Variants in SGPP1 observed in about 807,000 individuals in gnomAD.
SGPP1 encodes the protein hSPP1.
Under a neutral mutation model 33.0 loss-of-function variants are expected in SGPP1, and 21 were observed. The observed-to-expected ratio is 0.64, with a 90% confidence interval of 0.45 to 0.92. The LOEUF (loss-of-function observed/expected upper bound fraction) is 0.92, where lower values mean the gene tolerates loss of function less well. SGPP1 is among the 40% of genes least tolerant of loss of function. The probability of loss-of-function intolerance (pLI) is 0.00; values close to 1 mark genes in which losing one functional copy is unlikely to be tolerated. For synonymous variants in SGPP1, 239 were observed against 241.2 expected (o/e 0.99, Z 0.08); for missense variants, 543 against 589.4 (o/e 0.92, Z 0.81).
Position 63,728,000 on chromosome 14 carries a change from C to A in SGPP1, c.-56G>T. 1.4e-6 allele frequency: 2 copies of A among 1,473,426 alleles called. No homozygotes were observed. Among genetic ancestry groups the A allele is most frequent in the South Asian group, 2.6e-5 (2 of 78,072 alleles). 91.3% of individuals were successfully genotyped at this position (1,473,426 alleles called of 1,614,324 possible). A position where few individuals can be genotyped will look rare whatever the true frequency, so the allele number is the denominator to read the frequency against. On this transcript the variant is annotated 5_prime_UTR_variant, in exon 1 of 3. Transcript: ENST00000247225. ...CCTCCGGCGCAGCCCCGAACTGTCC[C>A]CGCGCTCCTGGCCAGCGGCAGCGGA...
intron 1 of SGPP1, among the ~76,000 whole-genome samples, chr14:63,702,794 A>G (rs1885327002): frequency 6.6e-6 from 1 of 152,198 alleles, no homozygotes; most frequent in Non-Finnish European, 1.5e-5. Flanking sequence ...TCCCCATTGA[A>G]TAACAGAATT....
chr14:63,718,647 ATTATT>A (rs1885682231), intron 1 of SGPP1, among the ~76,000 whole-genome samples: 1 of 152,068 alleles, frequency 6.6e-6, no homozygotes. Context: ...CTAATGTAAT[ATTATT>A]TTAAGGTGAA....
intron 1 of SGPP1, among the ~76,000 whole-genome samples, chr14:63,723,790 C>T (rs1191251095): frequency 6.6e-6 from 1 of 152,044 alleles, no homozygotes; most frequent in Non-Finnish European, 1.5e-5. Flanking sequence ...ATACAACTAA[C>T]TCCTCACTCA....
chr14:63,699,834 T>C (rs1285993650), intron 1 of SGPP1, among the ~76,000 whole-genome samples: 1 of 151,846 alleles, frequency 6.6e-6, no homozygotes, highest in Admixed American at 6.6e-5. Flanking sequence ...CATAGCTTCA[T>C]ACTCTCCTGG....
At chr14:63,700,791 C>A (rs1318343979) in intron 1 of SGPP1, among the ~76,000 whole-genome samples, 1 of 152,056 alleles carries the variant, frequency 6.6e-6, no homozygotes, top group Non-Finnish European at 1.5e-5. Flanking sequence ...CTAATTTTGG[C>A]CAGTGAGCTG....
At chr14:63,688,000 C>T (rs918894428) in intron 2 of SGPP1, among the ~76,000 whole-genome samples, 5 of 151,986 alleles carry the variant, frequency 3.3e-5, no homozygotes, top group African/African-American at 1.2e-4. Context: ...TGGCACACAC[C>T]GATAATCCCA....
At chr14:63,707,922 C>T (rs1350572471) in intron 1 of SGPP1, among the ~76,000 whole-genome samples, 2 of 152,030 alleles carry the variant, frequency 1.3e-5, no homozygotes, top group African/African-American at 2.4e-5. Flanking sequence ...ATAGCTGCCT[C>T]GGCACTCAGG....
intron 2 of SGPP1, among the ~76,000 whole-genome samples, chr14:63,696,086 G>C (rs866378826): frequency 2.6e-5 from 4 of 152,112 alleles, no homozygotes; most frequent in Non-Finnish European, 5.9e-5. Flanking sequence ...TCAGGAGTTC[G>C]AGACCAGCCT....
At chr14:63,694,362 AAAT>A (rs1442322437) in intron 2 of SGPP1, among the ~76,000 whole-genome samples, 8 of 152,182 alleles carry the variant, frequency 5.3e-5, no homozygotes, top group African/African-American at 1.7e-4. Flanking sequence ...GAATTCTTTA[AAAT>A]AATAACTTCT....
chr14:63,691,143 T>C (rs967761014), intron 2 of SGPP1, among the ~76,000 whole-genome samples: 1 of 152,246 alleles, frequency 6.6e-6, no homozygotes, highest in African/African-American at 2.4e-5. Flanking sequence ...AAATAAGTGA[T>C]TCCTTTTATA....
At chr14:63,693,139 C>T (rs972754273) in intron 2 of SGPP1, among the ~76,000 whole-genome samples, 3 of 152,198 alleles carry the variant, frequency 2.0e-5, no homozygotes, top group Admixed American at 1.3e-4. Flanking sequence ...TGCCATGTTG[C>T]CCAGGTTGAT....
chr14:63,698,458 A>G, intron 2 of SGPP1, 111 bp downstream of exon 2: 1 of 522,508 alleles, frequency 1.9e-6, no homozygotes, highest in Non-Finnish European at 3.3e-6. Context: ...TAGACGACTT[A>G]CAATATTTTC....
chr14:63,712,932 A>G (rs967662712), intron 1 of SGPP1, among the ~76,000 whole-genome samples: 3 of 151,740 alleles, frequency 2.0e-5, no homozygotes, highest in Admixed American at 1.3e-4. Flanking sequence ...AAAAAAAAAA[A>G]AAAAAAATGG....
rs558345332 is a variant in SGPP1, at chr14:63,718,692, A to C, written c.684+8569T>G. Among the ~76,000 whole-genome samples, 534 of 152,062 alleles carry C rather than the reference A, an allele frequency of 3.5e-3. 5 individuals are homozygous for C. Among genetic ancestry groups the C allele is most frequent in the Non-Finnish European group, 6.5e-3 (443 of 67,990 alleles). ...CCACTAAAAAAAGATACAGTTTTTAAAAATCAACATGTGCCCTATAAATAT... is the reference window on the plus strand; with the variant it reads ...CCACTAAAAAAAGATACAGTTTTTACAAATCAACATGTGCCCTATAAATAT... On this transcript the variant is annotated intron_variant, in intron 1 of 2. Transcript: ENST00000247225.
chr14:63,717,259 A>G (rs1885651205), intron 1 of SGPP1, among the ~76,000 whole-genome samples: 1 of 151,194 alleles, frequency 6.6e-6, no homozygotes, highest in Non-Finnish European at 1.5e-5. Flanking sequence ...AAAAAAAAAG[A>G]ATAGAGCTTC....
At chr14:63,715,642 G>A (rs1885608468) in intron 1 of SGPP1, among the ~76,000 whole-genome samples, 1 of 152,126 alleles carries the variant, frequency 6.6e-6, no homozygotes, top group African/African-American at 2.4e-5. Flanking sequence ...CAGTTTCCCT[G>A]AGTTAAGGGG....
intron 1 of SGPP1, among the ~76,000 whole-genome samples, chr14:63,702,067 A>G (rs541855959): frequency 6.6e-6 from 1 of 152,170 alleles, no homozygotes; most frequent in South Asian, 2.1e-4. Flanking sequence ...TACACAACAA[A>G]CTGAAGAAAA....
intron 1 of SGPP1, among the ~76,000 whole-genome samples, chr14:63,719,538 T>A (rs1885724406): frequency 6.6e-6 from 1 of 152,054 alleles, no homozygotes; most frequent in East Asian, 1.9e-4. Flanking sequence ...ACTGTGTCAT[T>A]ACACTAGCAA....
At chr14:63,693,986 A>T (rs865999495) in intron 2 of SGPP1, among the ~76,000 whole-genome samples, 2 of 152,338 alleles carry the variant, frequency 1.3e-5, no homozygotes, top group South Asian at 2.1e-4. Flanking sequence ...TACCTTAAAA[A>T]GTGAAAAAAC....
Sources: allele counts gnomAD v4.1 joint callset (sites outside exome capture counted in the v4.1 genomes callset), GRCh38; gene constraint gnomAD v4.1.1; transcripts MANE v1.5; gene names NCBI Gene and HGNC (gene_info 2026-07-23, HGNC 2026-07-21).